Variants in FSTL4 observed in about 807,000 individuals in gnomAD.
FSTL4 encodes follistatin like 4, also known as follistatin-related protein 4.
FSTL4 carries 28 observed loss-of-function variants against 78.2 expected under a neutral mutation model. The ratio of observed to expected loss-of-function variants is 0.36; its 90% confidence interval spans 0.27 to 0.49. The LOEUF is 0.49. Among genes scored for constraint, FSTL4 ranks in the 20% least tolerant of loss-of-function variants. The pLI is 0.98. For synonymous variants in FSTL4, 422 were observed against 440.5 expected (o/e 0.96, Z 0.53); for missense variants, 922 against 1,084.9 (o/e 0.85, Z 2.11).
chr5:133,802,814 G>A, the FSTL4 span, among the ~76,000 whole-genome samples: 2 of 152,214 alleles, frequency 1.3e-5, no homozygotes, highest in Non-Finnish European at 2.9e-5. Flanking sequence ...TCACCACAGA[G>A]GTGGGCAGCT....
At position 133,210,302 on chromosome 5, in the gene FSTL4, G is replaced by GA. The variant is rs572586171; in HGVS notation, c.1609-5dup. ...GCAGAGGGTCCACACCTATGGACTT[G>GA]AAAAAAAATAGTGACATGTTGTGAA... On this transcript the variant is annotated splice_polypyrimidine_tract_variant and splice_region_variant and intron_variant, in intron 13 of 15. Coordinates refer to ENST00000265342, the MANE Select transcript of FSTL4 (RefSeq NM_015082.2). 901 of 1,525,576 alleles carry GA rather than the reference G, an allele frequency of 5.9e-4. 1 individual carries two copies. The African/African-American group carries it at 6.1e-3, about 10-fold the overall frequency. The allele number at this position is 1,525,576 out of a possible 1,614,324, so 94.5% of individuals were successfully genotyped here.
chr5:133,681,251 T>C, the FSTL4 span, among the ~76,000 whole-genome samples: 3 of 152,228 alleles, frequency 2.0e-5, no homozygotes, highest in Non-Finnish European at 4.4e-5. Context: ...TTCACTCCCT[T>C]CTTTCTCTGA....
the FSTL4 span, among the ~76,000 whole-genome samples, chr5:133,740,461 C>T: frequency 2.0e-5 from 3 of 152,188 alleles, no homozygotes; most frequent in Admixed American, 2.0e-4. Flanking sequence ...GCCAACCCGC[C>T]CCCACTCCTC....
chr5:133,239,567 C>T (rs982906718), intron 7 of FSTL4, among the ~76,000 whole-genome samples: 7 of 151,984 alleles, frequency 4.6e-5, no homozygotes, highest in East Asian at 1.9e-4. Context: ...ATGCACCATT[C>T]GGCACTCTGT....
the FSTL4 span, among the ~76,000 whole-genome samples, chr5:133,744,295 G>A: frequency 6.6e-6 from 1 of 152,180 alleles, no homozygotes; most frequent in African/African-American, 2.4e-5. Context: ...CAAGCCTCAT[G>A]GAATCCACTC....
chr5:133,693,344 C>A, the FSTL4 span, among the ~76,000 whole-genome samples: 1 of 152,186 alleles, frequency 6.6e-6, no homozygotes, highest in South Asian at 2.1e-4. Context: ...GAACTATAAT[C>A]ATCACACTTT....
At chr5:133,768,100 C>T in the FSTL4 span, among the ~76,000 whole-genome samples, 2 of 151,982 alleles carry the variant, frequency 1.3e-5, no homozygotes, top group Non-Finnish European at 2.9e-5. Context: ...AAGGAAGAAA[C>T]GAGAGGATTT....
intron 4 of FSTL4, among the ~76,000 whole-genome samples, chr5:133,360,203 T>G (rs1434206637): frequency 1.3e-5 from 2 of 152,234 alleles, no homozygotes; most frequent in Non-Finnish European, 2.9e-5. Flanking sequence ...CAACGTTTAC[T>G]CAAAATAGGA....
intron 6 of FSTL4, among the ~76,000 whole-genome samples, chr5:133,307,883 C>T (rs909808235): frequency 2.0e-5 from 3 of 151,852 alleles, no homozygotes; most frequent in Non-Finnish European, 4.4e-5. Context: ...TGGGTTCACG[C>T]CATTCTCCTG....
chr5:133,602,715 C>T (rs908075830), intron 2 of FSTL4, among the ~76,000 whole-genome samples: 11 of 152,108 alleles, frequency 7.2e-5, no homozygotes, highest in South Asian at 6.2e-4. Flanking sequence ...GCAGAGATAG[C>T]GTTTCTGTTT....
intron 7 of FSTL4, chr5:133,248,904 G>T: frequency 6.3e-6 from 1 of 159,540 alleles, no homozygotes; most frequent in Non-Finnish European, 1.4e-5. Context: ...TTGTCTTCCA[G>T]CCAACCCAGC....
chr5:133,775,122 G>C, the FSTL4 span, among the ~76,000 whole-genome samples: 2 of 152,148 alleles, frequency 1.3e-5, no homozygotes, highest in African/African-American at 4.8e-5. Context: ...TAGTTTGTGA[G>C]AGGTCTTGAT....
the FSTL4 span, among the ~76,000 whole-genome samples, chr5:133,764,486 T>C: frequency 1.3e-5 from 2 of 152,302 alleles, no homozygotes; most frequent in East Asian, 1.9e-4. Flanking sequence ...AACCATGCCA[T>C]AGGCAAGCCA....
intron 8 of FSTL4, 96 bp downstream of exon 8, chr5:133,233,321 T>C: frequency 1.5e-6 from 2 of 1,368,590 alleles, no homozygotes; most frequent in Non-Finnish European, 2.0e-6. Flanking sequence ...TAGATATTTC[T>C]TTAAGAAGAC....
the FSTL4 span, among the ~76,000 whole-genome samples, chr5:133,642,267 G>A: frequency 6.6e-6 from 1 of 152,146 alleles, no homozygotes; most frequent in Non-Finnish European, 1.5e-5. Flanking sequence ...AGTGGCAGGG[G>A]CAGTTTCAGC....
chr5:133,630,392 C>T, the FSTL4 span, among the ~76,000 whole-genome samples: 4 of 152,012 alleles, frequency 2.6e-5, no homozygotes, highest in African/African-American at 4.8e-5. Context: ...TCCCATTCAC[C>T]GTTGCTACAA....
At chr5:133,765,898 G>C in the FSTL4 span, among the ~76,000 whole-genome samples, 1 of 152,198 alleles carries the variant, frequency 6.6e-6, no homozygotes, top group Non-Finnish European at 1.5e-5. Context: ...TTGTAATCAA[G>C]TCAAGAGAGC....
chr5:133,841,428 A>AT, the FSTL4 span, among the ~76,000 whole-genome samples: 1 of 152,346 alleles, frequency 6.6e-6, no homozygotes, highest in East Asian at 1.9e-4. Context: ...AAGTGAGCAA[A>AT]TTGGCCTCCA....
intron 6 of FSTL4, among the ~76,000 whole-genome samples, chr5:133,267,504 C>G (rs1752670423): frequency 6.6e-6 from 1 of 152,170 alleles, no homozygotes; most frequent in Non-Finnish European, 1.5e-5. Flanking sequence ...TGAGGTGAAG[C>G]AATTTGCCCC....
Sources: allele counts gnomAD v4.1 joint callset (sites outside exome capture counted in the v4.1 genomes callset), GRCh38; gene constraint gnomAD v4.1.1; transcripts MANE v1.5; gene names NCBI Gene and HGNC (gene_info 2026-07-23, HGNC 2026-07-21).